The following ADAMTSL1 variants were observed in gnomAD, a reference collection of about 807,000 sequenced individuals.
The protein encoded by ADAMTSL1 is ADAMTS-like protein 1.
In ADAMTSL1, 126 loss-of-function variants were observed where a neutral mutation model predicts 201.8. The ratio of observed to expected loss-of-function variants is 0.62; its 90% CI spans 0.54 to 0.72. The LOEUF is 0.72. Ranked by LOEUF, ADAMTSL1 falls within the 30% of genes least tolerant of loss-of-function variation. The probability of loss-of-function intolerance (pLI) is 0.00; values close to 1 mark genes in which losing one functional copy is unlikely to be tolerated. For synonymous variants in ADAMTSL1, 1,121 were observed against 903.4 expected, an observed-to-expected ratio of 1.24 and a Z score of -4.32; for missense variants, 2,679 against 2,277.8, an observed-to-expected ratio of 1.18 and a Z score of -3.59.
chr9:18,080,622 A>G (rs1823458567), intron 1 of ADAMTSL1, among the ~76,000 whole-genome samples: 1 of 152,224 alleles, frequency 6.6e-6, no homozygotes, highest in Non-Finnish European at 1.5e-5. Flanking sequence ...AGAGTAGCTT[A>G]CAAAGCACGT....
intron 1 of ADAMTSL1, among the ~76,000 whole-genome samples, chr9:18,006,397 T>C (rs923802255): frequency 1.3e-5 from 2 of 152,016 alleles, no homozygotes; most frequent in Non-Finnish European, 2.9e-5. Flanking sequence ...AATTTCACAG[T>C]TGGCCCTTTG....
chr9:18,642,398 A>G (rs1827506774), intron 7 of ADAMTSL1, among the ~76,000 whole-genome samples: 1 of 152,080 alleles, frequency 6.6e-6, no homozygotes, highest in South Asian at 2.1e-4. Flanking sequence ...GCTAATTAAC[A>G]TATGTGTTAC....
intron 2 of ADAMTSL1, among the ~76,000 whole-genome samples, chr9:18,380,540 T>A (rs529346995): frequency 1.3e-5 from 2 of 152,182 alleles, no homozygotes; most frequent in Admixed American, 1.3e-4. Context: ...TATAAATAAT[T>A]TTTTACTCAT....
At chr9:18,780,695 T>C (rs1218664931) in intron 19 of ADAMTSL1, among the ~76,000 whole-genome samples, 1 of 152,184 alleles carries the variant, frequency 6.6e-6, no homozygotes, top group Non-Finnish European at 1.5e-5. Context: ...ATAAAAAGCA[T>C]ATATGCACAC....
chr9:18,585,261 A>T (rs12380455), intron 4 of ADAMTSL1, among the ~76,000 whole-genome samples: 1 of 152,220 alleles, frequency 6.6e-6, no homozygotes, highest in Non-Finnish European at 1.5e-5. Flanking sequence ...TAATAAAAAA[A>T]CTTTTTGGAA....
Position 18,117,148 on chromosome 9 carries a change from A to G in ADAMTSL1, c.88-46714A>G, listed in dbSNP as rs528458802. ...CTATTTTGAACCACCATCTTCTCCT[A>G]TTTGAATTGCTGTAGTTATCTCTAT... On this transcript the variant is annotated intron_variant, in intron 1 of 29. Transcript: ENST00000680146. Among the ~76,000 whole-genome samples, 306 of 152,170 alleles carry G rather than the reference A, an allele frequency of 2.0e-3. 3 individuals carry two copies. Among genetic ancestry groups the G allele is most frequent in the Non-Finnish European group, 3.1e-3 (209 of 68,000 alleles).
chr9:18,152,147 A>T (rs1258165310), intron 1 of ADAMTSL1, among the ~76,000 whole-genome samples: 1 of 152,082 alleles, frequency 6.6e-6, no homozygotes, highest in Non-Finnish European at 1.5e-5. Context: ...TAATTTACTC[A>T]AAGCACACAG....
chr9:18,828,945 A>ACT (rs1158250037), intron 22 of ADAMTSL1, among the ~76,000 whole-genome samples: 2 of 151,792 alleles, frequency 1.3e-5, no homozygotes, highest in Non-Finnish European at 2.9e-5. Flanking sequence ...CAAGAGCAAT[A>ACT]CTCCTGGGCT....
chr9:17,928,262 G>T (rs1183197848), intron 1 of ADAMTSL1, among the ~76,000 whole-genome samples: 4 of 152,114 alleles, frequency 2.6e-5, no homozygotes, highest in Non-Finnish European at 5.9e-5. Context: ...GCTTCCCAAA[G>T]TGCTGGGATT....
chr9:18,743,580 G>C, intron 15 of ADAMTSL1, among the ~76,000 whole-genome samples: 1 of 152,128 alleles, frequency 6.6e-6, no homozygotes, highest in Non-Finnish European at 1.5e-5. Context: ...TCAGGTGTTT[G>C]ATAATCTTGG....
At chr9:18,311,684 C>G (rs1480928863) in intron 2 of ADAMTSL1, among the ~76,000 whole-genome samples, 5 of 152,308 alleles carry the variant, frequency 3.3e-5, no homozygotes, top group Non-Finnish European at 7.3e-5. Flanking sequence ...TAAGTGTTTC[C>G]TGAGCTTGAG....
chr9:18,270,135 A>G (rs942992411), intron 2 of ADAMTSL1, among the ~76,000 whole-genome samples: 6 of 152,158 alleles, frequency 3.9e-5, no homozygotes, highest in Admixed American at 3.9e-4. Flanking sequence ...TGGGAATTCC[A>G]AGGTCAGGGT....
chr9:17,993,225 G>T (rs1586865927), intron 1 of ADAMTSL1, among the ~76,000 whole-genome samples: 1 of 152,090 alleles, frequency 6.6e-6, no homozygotes, highest in Non-Finnish European at 1.5e-5. Flanking sequence ...ATGCAGAAGG[G>T]TGTAGCACAC....
At chr9:18,663,079 C>T (rs369229906) in intron 9 of ADAMTSL1, among the ~76,000 whole-genome samples, 19 of 152,148 alleles carry the variant, frequency 1.2e-4, no homozygotes, top group Admixed American at 9.2e-4. Flanking sequence ...TGGGCAATGT[C>T]GATGCAAATC....
At chr9:18,627,336 T>A (rs941336569) in intron 5 of ADAMTSL1, among the ~76,000 whole-genome samples, 5 of 152,238 alleles carry the variant, frequency 3.3e-5, no homozygotes, top group African/African-American at 1.2e-4. Flanking sequence ...TCATACTTGT[T>A]TTTATTTGCA....
chr9:18,887,759 C>T, intron 23 of ADAMTSL1, 72 bp from the exon 24 acceptor site: 1 of 1,360,512 alleles, frequency 7.4e-7, no homozygotes, highest in Non-Finnish European at 1.0e-6. Context: ...GCCACACAGA[C>T]AGTAAACCAG....
intron 1 of ADAMTSL1, among the ~76,000 whole-genome samples, chr9:17,972,323 G>GCC (rs1333557317): frequency 0.76 from 49,849 of 65,876 alleles, 18,530 homozygotes; most frequent in East Asian, 0.87. Flanking sequence ...CTCCCCCCAA[G>GCC]CTACAACAGT....
At chr9:18,237,701 T>C (rs1449858130) in intron 2 of ADAMTSL1, among the ~76,000 whole-genome samples, 1 of 152,258 alleles carries the variant, frequency 6.6e-6, no homozygotes, top group Non-Finnish European at 1.5e-5. Context: ...CTTTTTTTGT[T>C]GTGCTCTGAT....
chr9:18,553,609 G>A (rs1309733538), intron 3 of ADAMTSL1, among the ~76,000 whole-genome samples: 1 of 151,798 alleles, frequency 6.6e-6, no homozygotes, highest in Non-Finnish European at 1.5e-5. Flanking sequence ...GGGTTCATTA[G>A]AAGTGAGTGC....
Sources: allele counts gnomAD v4.1 joint callset (sites outside exome capture counted in the v4.1 genomes callset), GRCh38; gene constraint gnomAD v4.1.1; transcripts MANE v1.5; gene names NCBI Gene and HGNC (gene_info 2026-07-23, HGNC 2026-07-21).